RAPGEF6: variants seen among roughly 807,000 people sequenced by gnomAD.
The protein encoded by RAPGEF6 is Rap guanine nucleotide exchange factor 6, also known as PDZ domain containing guanine nucleotide exchange factor (GEF) 2.
In RAPGEF6, 56 loss-of-function variants were observed where a neutral mutation model predicts 171.4. The observed-to-expected ratio is 0.33, with a 90% confidence interval of 0.26 to 0.41. The LOEUF is 0.41. RAPGEF6 is among the 10% of genes least tolerant of loss of function. The probability of loss-of-function intolerance (pLI) is 1.00; values close to 1 mark genes in which losing one functional copy is unlikely to be tolerated. For missense variants in RAPGEF6, 1,674 were observed against 1,921.4 expected, an observed-to-expected ratio of 0.87 and a Z score of 2.41; for synonymous variants, 692 against 650.1, an observed-to-expected ratio of 1.06 and a Z score of -0.98.
At chr5:131,538,924 A>G (rs1759953422) in intron 6 of RAPGEF6, among the ~76,000 whole-genome samples, 2 of 152,210 alleles carry the variant, frequency 1.3e-5, no homozygotes, top group Non-Finnish European at 2.9e-5. Flanking sequence ...ATTATTTCCT[A>G]GAAGATAAAG....
rs187242142 is a variant in RAPGEF6 at position 131,604,429 on chromosome 5, T to C, written c.140+194A>G. Among the ~76,000 whole-genome samples the C allele has an allele frequency of 9.2e-5, 14 of 152,314 alleles. No homozygotes were observed. In the East Asian group the frequency reaches 1.7e-3, roughly 19 times the overall value. ...ATAAGAAAAACAAATTCAGTTTTTATTGTCAGTGTTTTTCCCCAACTCCAA... is the reference window on the plus strand; with the variant it reads ...ATAAGAAAAACAAATTCAGTTTTTACTGTCAGTGTTTTTCCCCAACTCCAA... On this transcript the variant is annotated intron_variant, in intron 2 of 27. Coordinates refer to ENST00000509018, the MANE Select transcript of RAPGEF6 (RefSeq NM_016340.6).
At chr5:131,531,753 T>C (rs1359264406) in intron 6 of RAPGEF6, among the ~76,000 whole-genome samples, 1 of 152,164 alleles carries the variant, frequency 6.6e-6, no homozygotes, top group Non-Finnish European at 1.5e-5. Context: ...GCAATTAGAC[T>C]AACATACCTA....
chr5:131,460,387 A>G (rs1408443158), intron 19 of RAPGEF6, among the ~76,000 whole-genome samples: 1 of 152,136 alleles, frequency 6.6e-6, no homozygotes, highest in Non-Finnish European at 1.5e-5. Flanking sequence ...TTAGACCTCT[A>G]CCACTTTCTT....
rs563709308 is a variant in RAPGEF6, at chr5:131,529,115, CA to C, written c.496-7595del. ...TTAAGTCAACCTCCTGAAAGAAACC[CA>C]AAAAACTCAATTTGATTTCTCTCTA... On this transcript the variant is annotated intron_variant, in intron 6 of 27. Coordinates refer to ENST00000509018, the MANE Select transcript of RAPGEF6 (RefSeq NM_016340.6). 4.0e-5 allele frequency among the ~76,000 whole-genome samples: 6 copies of C among 148,436 alleles called. No individual in the cohort carries two copies. The East Asian group carries it at 1.2e-3, about 29-fold the overall frequency.
rs1024579089 is a variant in RAPGEF6 at position 131,464,297 on chromosome 5, G to C, written c.2240-16C>G. On this transcript the variant is annotated splice_polypyrimidine_tract_variant and intron_variant, in intron 17 of 27. Transcript: ENST00000509018. Reference sequence around the variant, plus strand: ...TCAGGGATATCTACATAAATAGAAAGATATGCTTTGTTATTTTTTAAAAAA... The same window carrying C: ...TCAGGGATATCTACATAAATAGAAACATATGCTTTGTTATTTTTTAAAAAA... The C allele has an allele frequency of 3.8e-6, 6 of 1,595,944 alleles. No homozygotes were observed. In the Admixed American group the frequency reaches 5.1e-5, roughly 13 times the overall value.
intron 14 of RAPGEF6, among the ~76,000 whole-genome samples, chr5:131,491,507 T>A (rs77398587): frequency 0.027 from 4,179 of 152,212 alleles, 219 homozygotes; most frequent in African/African-American, 0.096. Context: ...CCCTTTGAAG[T>A]ACATGAGAAT....
chr5:131,506,461 T>C (rs764667401), intron 9 of RAPGEF6, among the ~76,000 whole-genome samples: 1 of 152,198 alleles, frequency 6.6e-6, no homozygotes, highest in African/African-American at 2.4e-5. Flanking sequence ...ATCTACTATA[T>C]ATCAGTGAAA....
At chr5:131,581,463 G>C (rs978331275) in intron 4 of RAPGEF6, among the ~76,000 whole-genome samples, 3 of 151,960 alleles carry the variant, frequency 2.0e-5, no homozygotes, top group Non-Finnish European at 4.4e-5. Flanking sequence ...ACTGCATCCA[G>C]GCTATCACTA....
chr5:131,455,720 A>T, intron 20 of RAPGEF6, 81 bp downstream of exon 20: 2 of 1,229,716 alleles, frequency 1.6e-6, no homozygotes, highest in Non-Finnish European at 2.4e-6. Context: ...TAGAATAGGA[A>T]ATATACCATA....
intron 7 of RAPGEF6, among the ~76,000 whole-genome samples, chr5:131,513,334 T>C (rs1255364803): frequency 6.6e-6 from 1 of 152,212 alleles, no homozygotes; most frequent in Non-Finnish European, 1.5e-5. Context: ...ACTCCTAGTA[T>C]ATCCCTTTTC....
chr5:131,544,781 C>G (rs1581001445), intron 6 of RAPGEF6, among the ~76,000 whole-genome samples: 1 of 152,206 alleles, frequency 6.6e-6, no homozygotes, highest in East Asian at 1.9e-4. Context: ...CTTCCGGGTT[C>G]AAGTGATTCT....
chr5:131,431,028 A>C lies in RAPGEF6; in HGVS notation c.4296T>G (p.Ser1432Arg), dbSNP rs1038582950. Reference sequence around the variant, plus strand: ...CAGACAGAGAACTGGAGGAGGTCCAACTCTTTCTCTCTAGGCTTCCTTTAC... The same window carrying C: ...CAGACAGAGAACTGGAGGAGGTCCACCTCTTTCTCTCTAGGCTTCCTTTAC... ...GQCKGSLERKSWTSSSSLSDT... is the reference protein window; with the variant it reads ...GQCKGSLERKRWTSSSSLSDT... Residue 1432 changes from serine (S) to arginine (R), a missense_variant, in exon 26 of 28, where the codon AGT (serine) becomes AGG (arginine). Ser to Arg is a moderately radical substitution (Grantham distance 110). Around this residue, in one of 3 missense-constraint regions of RAPGEF6, gnomAD observed 552 missense variants for 574.2 expected, o/e 0.96. Coordinates refer to ENST00000509018, the MANE Select transcript of RAPGEF6 (RefSeq NM_016340.6). 8 of 1,613,904 alleles carry C rather than the reference A, an allele frequency of 5.0e-6. No individual in the cohort carries two copies. The highest frequency in any genetic ancestry group is 6.8e-6 in the Non-Finnish European group (8 of 1,180,004).
At chr5:131,493,209 C>T (rs1046031874) in intron 13 of RAPGEF6, among the ~76,000 whole-genome samples, 9 of 152,010 alleles carry the variant, frequency 5.9e-5, no homozygotes, top group East Asian at 1.9e-4. Context: ...GGACTACAGG[C>T]GCCCGCCACC....
intron 7 of RAPGEF6, 58 bp from the exon 8 acceptor site, chr5:131,510,549 G>A: frequency 6.5e-7 from 1 of 1,527,846 alleles, no homozygotes; most frequent in Non-Finnish European, 8.9e-7. Flanking sequence ...ATAAGTCACA[G>A]TCTGAATTAA....
intron 6 of RAPGEF6, among the ~76,000 whole-genome samples, chr5:131,546,611 A>T (rs890392145): frequency 1.8e-4 from 28 of 152,134 alleles, no homozygotes; most frequent in Middle Eastern, 3.2e-3. Flanking sequence ...CTCAAAAAAA[A>T]AAAATAAATA....
At chr5:131,468,790 G>C (rs1754551270) in intron 17 of RAPGEF6, among the ~76,000 whole-genome samples, 1 of 152,130 alleles carries the variant, frequency 6.6e-6, no homozygotes, top group South Asian at 2.1e-4. Flanking sequence ...GAGTAAGGAA[G>C]AGAATTCATA....
intron 26 of RAPGEF6, among the ~76,000 whole-genome samples, chr5:131,430,116 A>G (rs909884822): frequency 2.6e-5 from 4 of 152,080 alleles, no homozygotes; most frequent in African/African-American, 9.7e-5. Context: ...GCAATTTGAC[A>G]AGTAACTATA....
intron 12 of RAPGEF6, among the ~76,000 whole-genome samples, chr5:131,497,253 T>C (rs1194814428): frequency 6.6e-6 from 1 of 152,234 alleles, no homozygotes; most frequent in African/African-American, 2.4e-5. Context: ...AAAAGTTCTT[T>C]ATGTATTTTG....
intron 24 of RAPGEF6, among the ~76,000 whole-genome samples, chr5:131,436,563 T>C (rs1333243547): frequency 6.6e-6 from 1 of 152,186 alleles, no homozygotes; most frequent in Non-Finnish European, 1.5e-5. Flanking sequence ...CATCAGTTAT[T>C]GCAAGACAGA....
Sources: gnomAD v4.1 joint callset for allele counts (sites outside exome capture counted in the v4.1 genomes callset) on GRCh38, gnomAD v4.1.1 for gene constraint, gnomAD v4.1.1 regional missense constraint, MANE v1.5 for transcripts, NCBI Gene and HGNC (gene_info 2026-07-23, HGNC 2026-07-21) for gene names.